The following LARP4B variants were observed in gnomAD, a reference collection of about 807,000 sequenced individuals.
The protein encoded by LARP4B is la-related protein 4B.
In LARP4B, 12 loss-of-function variants were observed where a neutral mutation model predicts 89.8. That is an observed-to-expected ratio of 0.13 (90% CI 0.09 to 0.22). The LOEUF is 0.22. LARP4B is among the 10% of genes least tolerant of loss of function. The pLI is 1.00. For synonymous variants in LARP4B, 367 were observed against 363.3 expected (o/e 1.01, Z -0.12); for missense variants, 757 against 947.7 (o/e 0.80, Z 2.64).
At chr10:842,843 C>T (rs1189784317) in intron 7 of LARP4B, 89 bp downstream of exon 7, 9 of 1,226,930 alleles carry the variant, frequency 7.3e-6, no homozygotes, top group Admixed American at 2.1e-5. Context: ...AGGACCTTAA[C>T]GTTTGATGGC....
intron 13 of LARP4B, among the ~76,000 whole-genome samples, chr10:823,552 G>T (rs963827698): frequency 1.3e-5 from 2 of 151,464 alleles, no homozygotes; most frequent in African/African-American, 2.4e-5. Context: ...TGTGACGCTC[G>T]TATGAACAAG....
intron 1 of LARP4B, among the ~76,000 whole-genome samples, chr10:909,884 C>G (rs1328657991): frequency 1.3e-5 from 2 of 152,088 alleles, no homozygotes; most frequent in Non-Finnish European, 2.9e-5. Context: ...AGTACCATCT[C>G]CATCCTATAA....
intron 3 of LARP4B, among the ~76,000 whole-genome samples, chr10:869,107 G>A (rs1564419791): frequency 2.6e-5 from 4 of 152,102 alleles, no homozygotes; most frequent in Non-Finnish European, 4.4e-5. Context: ...GCCTTATCTC[G>A]GGGTTCTGAA....
chr10:957,072 C>T, the LARP4B span, among the ~76,000 whole-genome samples: 1 of 152,210 alleles, frequency 6.6e-6, no homozygotes, highest in African/African-American at 2.4e-5. Flanking sequence ...AGCAGCCCTG[C>T]TCACTGTTCA....
At chr10:935,722 C>CTTTTTTTTTTTTTTTTTTTTTTTTT (rs10711022), upstream of LARP4B, among the ~76,000 whole-genome samples, 1 of 83,916 alleles carries the variant, frequency 1.2e-5, no homozygotes, top group Non-Finnish European at 2.3e-5. Flanking sequence ...CTTTTCTTTT[C>CTTTTTTTTTTTTTTTTTTTTTTTTT]TTTTTTTTTT....
At chr10:910,456 C>T (rs1156947732) in intron 1 of LARP4B, among the ~76,000 whole-genome samples, 5 of 152,240 alleles carry the variant, frequency 3.3e-5, no homozygotes, top group African/African-American at 4.8e-5. Flanking sequence ...ACCAGTGTGA[C>T]ACTCTCCATC....
At chr10:969,658 G>A in the LARP4B span, among the ~76,000 whole-genome samples, 3 of 152,116 alleles carry the variant, frequency 2.0e-5, no homozygotes, top group Admixed American at 2.0e-4. Context: ...TGAACCAGGA[G>A]GCAGAGGCTG....
At chr10:950,414 C>G in the LARP4B span, among the ~76,000 whole-genome samples, 1 of 152,164 alleles carries the variant, frequency 6.6e-6, no homozygotes, top group Non-Finnish European at 1.5e-5. Context: ...AGTCTGTGAT[C>G]CATTTTGAAA....
chr10:903,945 T>C (rs1324575049), intron 1 of LARP4B, among the ~76,000 whole-genome samples: 19 of 152,000 alleles, frequency 1.3e-4, no homozygotes, highest in Admixed American at 1.2e-3. Context: ...CAGAGAACCA[T>C]GAAATGATAC....
chr10:910,310 T>C (rs1381512773), intron 1 of LARP4B, among the ~76,000 whole-genome samples: 1 of 152,222 alleles, frequency 6.6e-6, no homozygotes, highest in Non-Finnish European at 1.5e-5. Flanking sequence ...ATCCTCAGGC[T>C]TGGCCCAAAT....
At chr10:922,089 G>C (rs569294682) in intron 1 of LARP4B, among the ~76,000 whole-genome samples, 28 of 152,260 alleles carry the variant, frequency 1.8e-4, no homozygotes, top group Non-Finnish European at 3.8e-4. Flanking sequence ...TCAGGGGGTG[G>C]GGGGTGGTGA....
chr10:930,259 CT>C (rs1837260881), intron 1 of LARP4B, among the ~76,000 whole-genome samples: 1 of 152,224 alleles, frequency 6.6e-6, no homozygotes, highest in Admixed American at 6.5e-5. Context: ...TGTCTGTCCC[CT>C]TCAATGTTCA....
intron 11 of LARP4B, among the ~76,000 whole-genome samples, chr10:827,021 C>T (rs557410551): frequency 5.3e-5 from 8 of 152,094 alleles, no homozygotes; most frequent in South Asian, 2.1e-4. Flanking sequence ...ATGCCTATAA[C>T]CCCAGCACTT....
At chr10:974,053 T>A in the LARP4B span, among the ~76,000 whole-genome samples, 1 of 152,162 alleles carries the variant, frequency 6.6e-6, no homozygotes, top group Non-Finnish European at 1.5e-5. Context: ...AACAGCTCCC[T>A]GTGTCCCAAA....
chr10:864,024 C>T, intron 4 of LARP4B, 99 bp downstream of exon 4: 1 of 1,565,974 alleles, frequency 6.4e-7, no homozygotes, highest in South Asian at 1.2e-5. Flanking sequence ...TACCATGACA[C>T]AGTTATGAAT....
chr10:909,632 A>T (rs1177147951), intron 1 of LARP4B, among the ~76,000 whole-genome samples: 1 of 151,920 alleles, frequency 6.6e-6, no homozygotes, highest in Non-Finnish European at 1.5e-5. Context: ...TAAAAGTACA[A>T]AAATTTGGCA....
upstream of LARP4B, among the ~76,000 whole-genome samples, chr10:931,972 C>T (rs1010769329): frequency 2.4e-4 from 33 of 137,936 alleles, no homozygotes; most frequent in South Asian, 5.3e-3. Flanking sequence ...CGCACGTCCG[C>T]CCCGCCCGCC....
At chr10:983,663 C>T in the LARP4B span, among the ~76,000 whole-genome samples, 5 of 152,124 alleles carry the variant, frequency 3.3e-5, no homozygotes, top group African/African-American at 1.2e-4. Flanking sequence ...GCTCCAGCCT[C>T]GTGACCTTTT....
chr10:839,564 A>T (rs1302578588), intron 7 of LARP4B, among the ~76,000 whole-genome samples: 2 of 152,254 alleles, frequency 1.3e-5, no homozygotes, highest in Non-Finnish European at 2.9e-5. Flanking sequence ...TTCATTAATC[A>T]TTAGAGAAAC....
Sources: gnomAD v4.1 joint callset for allele counts (sites outside exome capture counted in the v4.1 genomes callset) on GRCh38, gnomAD v4.1.1 for gene constraint, MANE v1.5 for transcripts, NCBI Gene and HGNC (gene_info 2026-07-23, HGNC 2026-07-21) for gene names.